The following ERCC1 variants were observed in gnomAD, a reference collection of about 807,000 sequenced individuals.
ERCC1 encodes the protein ERCC excision repair 1, endonuclease non-catalytic subunit, also known as DNA excision repair protein ERCC-1.
ERCC1 carries 36 observed loss-of-function variants against 37.6 expected under a neutral mutation model. That is an observed-to-expected ratio of 0.96 (90% CI 0.73 to 1.26). ERCC1 has a LOEUF of 1.26. ERCC1 is among the 50% of genes most tolerant of loss of function. The pLI is 0.00. For synonymous variants in ERCC1, 156 were observed against 162.1 expected, an observed-to-expected ratio of 0.96 and a Z score of 0.28; for missense variants, 349 against 376.5, an observed-to-expected ratio of 0.93 and a Z score of 0.60.
At position 45,407,389 on chromosome 19, in the gene ERCC1, T is replaced by G; in HGVS notation, c.*2286A>C. ...TACTCCTTTACAGAGTAGAGTGTCCTCAGAAAGCAGGGGGAGAAACCCACA... is the reference window on the plus strand; with the variant it reads ...TACTCCTTTACAGAGTAGAGTGTCCGCAGAAAGCAGGGGGAGAAACCCACA... On this transcript the variant is annotated 3_prime_UTR_variant, in exon 10 of 10. Coordinates refer to ENST00000300853, the MANE Select transcript of ERCC1 (RefSeq NM_001983.4). 3.0e-6 allele frequency: 2 copies of G among 669,316 alleles called. No homozygotes were observed. Among genetic ancestry groups the G allele is most frequent in the Non-Finnish European group, 4.9e-6 (2 of 409,800 alleles). 41.5% of individuals were successfully genotyped at this position (669,316 alleles called of 1,614,324 possible).
rs11314106 is a variant in ERCC1 at position 45,408,061 on chromosome 19, C to CA, written c.*1613dup. ...AGAGCAAGACTCTCTCAAAAAAAAA[C>CA]AAAAAAAAAATCAAAAAACCTTCCC... On this transcript the variant is annotated 3_prime_UTR_variant, in exon 10 of 10. Transcript: ENST00000300853. 5,918 of 1,377,880 alleles carry CA rather than the reference C, an allele frequency of 4.3e-3. No individual in the cohort carries two copies. The highest frequency in any genetic ancestry group is 0.021 in the East Asian group (790 of 36,954). The allele number at this position is 1,377,880 out of a possible 1,614,324, so 85.4% of individuals were successfully genotyped here.
At chr19:45,433,191 A>T in intron 1 of ERCC1, among the ~76,000 whole-genome samples, 1 of 152,094 alleles carries the variant, frequency 6.6e-6, no homozygotes, top group East Asian at 1.9e-4. Flanking sequence ...GGAGTTTGAG[A>T]CCGGCCTGGG....
chr19:45,419,231 T>C (rs1237003864), intron 4 of ERCC1, 34 bp from the exon 5 acceptor site: 1 of 1,435,398 alleles, frequency 7.0e-7, no homozygotes, highest in African/African-American at 1.4e-5. Context: ...TTGAGAGGTC[T>C]CAGTCTCTTC....
rs1568571807 is a variant in ERCC1 at position 45,409,377 on chromosome 19, G to GC, written c.*297dup. The GC allele has an allele frequency of 6.2e-7, 1 of 1,614,120 alleles. No individual in the cohort carries two copies. Among genetic ancestry groups the GC allele is most frequent in the Admixed American group, 1.7e-5 (1 of 60,020 alleles). ...AAGAGGAAGAAGCAGAGTCAGGAAAGCCGGATGCCAGAGACAGTGCCCCAA... is the reference window on the plus strand; with the variant it reads ...AAGAGGAAGAAGCAGAGTCAGGAAAGCCCGGATGCCAGAGACAGTGCCCCAA... On this transcript the variant is annotated 3_prime_UTR_variant, in exon 10 of 10. Coordinates refer to ENST00000300853, the MANE Select transcript of ERCC1 (RefSeq NM_001983.4).
At chr19:45,445,635 T>G (rs902982597) in intron 1 of ERCC1, among the ~76,000 whole-genome samples, 2 of 152,088 alleles carry the variant, frequency 1.3e-5, no homozygotes, top group African/African-American at 4.8e-5. Context: ...CATGCAGATA[T>G]GTGGCCTAAG....
intron 1 of ERCC1, among the ~76,000 whole-genome samples, chr19:45,447,403 GT>G (rs1966981996): frequency 6.6e-6 from 1 of 150,838 alleles, no homozygotes; most frequent in African/African-American, 2.4e-5. Context: ...AGCCTCCTGA[GT>G]AGCTGGAACT....
upstream of ERCC1, chr19:45,423,960 A>C: frequency 9.3e-7 from 1 of 1,077,004 alleles, no homozygotes; most frequent in African/African-American, 1.6e-5. Context: ...AGCATAGAGC[A>C]GGGCGATCTC....
At position 45,407,447 on chromosome 19, in the gene ERCC1, T is replaced by G; in HGVS notation, c.*2228A>C. 1.9e-6 allele frequency: 1 copy of G among 537,948 alleles called. No homozygotes were observed. The highest frequency in any genetic ancestry group is 2.5e-5 in the South Asian group (1 of 39,318). 33.3% of individuals were successfully genotyped at this position (537,948 alleles called of 1,614,324 possible). A position where few individuals can be genotyped will look rare whatever the true frequency, so the allele number is the denominator to read the frequency against. Reference sequence around the variant, plus strand: ...GTTAGTATTTCTACTTATAAGAAACTATAAGGAACTATAGTTAAACTTGGA... The same window carrying G: ...GTTAGTATTTCTACTTATAAGAAACGATAAGGAACTATAGTTAAACTTGGA... On this transcript the variant is annotated 3_prime_UTR_variant, in exon 10 of 10. Coordinates refer to ENST00000300853, the MANE Select transcript of ERCC1 (RefSeq NM_001983.4).
intron 3 of ERCC1, 108 bp downstream of exon 3, chr19:45,421,066 AATGG>A (rs1974386694): frequency 3.5e-6 from 3 of 856,176 alleles, no homozygotes; most frequent in Admixed American, 1.9e-5. Flanking sequence ...TGAATGAATG[AATGG>A]GGAGAACAAA....
chr19:45,444,563 C>CA (rs2123614047), intron 1 of ERCC1, among the ~76,000 whole-genome samples: 1 of 152,286 alleles, frequency 6.6e-6, no homozygotes, highest in South Asian at 2.1e-4. Flanking sequence ...CCAGAGGCCT[C>CA]AGGGCGCAGA....
At position 45,408,751 on chromosome 19, in the gene ERCC1, C is replaced by T. The variant is rs1317761990; in HGVS notation, c.*924G>A. The T allele has an allele frequency of 1.2e-6, 2 of 1,613,670 alleles. No homozygotes were observed. Among genetic ancestry groups the T allele is most frequent in the Non-Finnish European group, 8.5e-7 (1 of 1,179,968 alleles). ...GGAAGAAGCCCAAAGGGAAAGAAAC[C>T]TTCGAGCCAGAAGACAAGACAGTGA... On this transcript the variant is annotated 3_prime_UTR_variant, in exon 10 of 10. Transcript: ENST00000300853.
intron 1 of ERCC1, among the ~76,000 whole-genome samples, chr19:45,439,129 T>C (rs1301303626): frequency 6.6e-6 from 1 of 151,994 alleles, no homozygotes; most frequent in East Asian, 1.9e-4. Flanking sequence ...TAGGTTGCAG[T>C]GAGCTGAGAT....
intron 5 of ERCC1, among the ~76,000 whole-genome samples, chr19:45,418,721 G>A (rs1332387483): frequency 6.6e-6 from 1 of 151,978 alleles, no homozygotes; most frequent in East Asian, 1.9e-4. Flanking sequence ...TACTCAGAAG[G>A]CTGAGGCAGG....
Position 45,423,013 on chromosome 19 carries a change from G to A in ERCC1, c.105+257C>T, listed in dbSNP as rs3212939. Among the ~76,000 whole-genome samples the A allele has an allele frequency of 0.019, 2,867 of 152,140 alleles. 47 individuals are homozygous for A. The highest frequency in any genetic ancestry group is 0.025 in the Non-Finnish European group (1,707 of 68,016). ...TAAATTCATGTCTTGAAAAATCAGG[G>A]TGCTGGCCTCGTAAAACACATCAGG... is the stretch of plus-strand genomic sequence containing the variant. On this transcript the variant is annotated intron_variant, in intron 2 of 9. Transcript: ENST00000300853.
rs112741748 is a variant in ERCC1, at chr19:45,430,174, C to T, written c.-7-6793G>A. On this transcript the variant is annotated intron_variant, in intron 1 of 8. Coordinates refer to the ERCC1 transcript ENST00000423698. The stretch of plus-strand genomic sequence containing the variant: ...AGGCCATCTCAGTCATCGCCTTGTC[C>T]CCAGCGCTGCCCAGCACAGGACAGG... 6.0e-3 allele frequency among the ~76,000 whole-genome samples: 918 copies of T among 152,298 alleles called. 8 individuals carry two copies. Among genetic ancestry groups the T allele is most frequent in the African/African-American group, 0.02 (852 of 41,564 alleles).
At chr19:45,421,982 C>T (rs962773446) in intron 2 of ERCC1, among the ~76,000 whole-genome samples, 5 of 152,018 alleles carry the variant, frequency 3.3e-5, no homozygotes, top group African/African-American at 7.2e-5. Context: ...AATGTCCCTT[C>T]CAGAAGGCTG....
chr19:45,451,299 C>T (rs1331048130), intron 1 of ERCC1, among the ~76,000 whole-genome samples: 2 of 152,204 alleles, frequency 1.3e-5, no homozygotes, highest in Admixed American at 6.5e-5. Context: ...TAGGGACAAG[C>T]ACACACTTCG....
chr19:45,434,071 G>A (rs1974905730), intron 1 of ERCC1, among the ~76,000 whole-genome samples: 1 of 149,360 alleles, frequency 6.7e-6, no homozygotes, highest in Non-Finnish European at 1.5e-5. Context: ...TTGAACCCGA[G>A]AGGCAGAGGT....
intron 1 of ERCC1, among the ~76,000 whole-genome samples, chr19:45,431,890 T>A (rs1974841895): frequency 6.6e-6 from 1 of 152,114 alleles, no homozygotes; most frequent in African/African-American, 2.4e-5. Flanking sequence ...AGACCCTGCC[T>A]CAAAAAAATT....
Sources: allele counts gnomAD v4.1 joint callset (sites outside exome capture counted in the v4.1 genomes callset), GRCh38; gene constraint gnomAD v4.1.1; transcripts MANE v1.5; gene names NCBI Gene and HGNC (gene_info 2026-07-23, HGNC 2026-07-21).